The following GNAS variants were observed in gnomAD, a reference collection of about 807,000 sequenced individuals.
The protein encoded by GNAS is GNAS complex locus.
GNAS carries 8 observed loss-of-function variants against 54.5 expected under a neutral mutation model. The observed-to-expected ratio is 0.15, with a 90% CI of 0.09 to 0.26. The LOEUF (loss-of-function observed/expected upper bound fraction) is 0.26, where lower values mean the gene tolerates loss of function less well. GNAS is among the 10% of genes least tolerant of loss of function. The pLI, the probability that GNAS is intolerant of heterozygous loss-of-function variation, is 1.00. For missense variants in GNAS, 170 were observed against 529.8 expected, an observed-to-expected ratio of 0.32 and a Z score of 6.67; for synonymous variants, 204 against 191.4, an observed-to-expected ratio of 1.07 and a Z score of -0.54.
At position 58,856,430 on chromosome 20, in the gene GNAS, C is replaced by A. The variant is rs1457375370; in HGVS notation, c.43+15544C>A. On this transcript the variant is annotated intron_variant, in intron 1 of 12. Coordinates refer to the GNAS transcript ENST00000306090. The surrounding 1 kb of genome is among the most constrained non-coding windows in gnomAD (Gnocchi z 4.2). ...AGCGAAGAGCCCGAGGTAAGCCAAT[C>A]ATTTTTACAAAGAGTACAGTAGGAG... 1 of 152,598 alleles carries A rather than the reference C, an allele frequency of 6.6e-6. No individual in the cohort carries two copies. The highest frequency in any genetic ancestry group is 1.5e-5 in the Non-Finnish European group (1 of 68,030). 9.5% of individuals were successfully genotyped at this position (152,598 alleles called of 1,614,324 possible).
At position 58,909,839 on chromosome 20, in the gene GNAS, C is replaced by T; in HGVS notation, c.839+35C>T. 1 of 1,612,644 alleles carries T rather than the reference C, an allele frequency of 6.2e-7. No individual in the cohort carries two copies. Among genetic ancestry groups the T allele is most frequent in the Non-Finnish European group, 8.5e-7 (1 of 1,179,734 alleles). ...GTGACCGCCCACCCCCTGCGCTTGC[C>T]CAGGAGGCCCTGGTCTGCACTGTTT... On this transcript the variant is annotated intron_variant, in intron 10 of 12. Transcript: ENST00000371085. This position sits in a 1 kb window ranked among gnomAD's most constrained non-coding sequence, Gnocchi z 7.3.
chr20:58,853,254 C>T lies in GNAS; in HGVS notation c.43+12368C>T, dbSNP rs2086255292. ...GAGCCCCAAACTTATTTTGAGAGGCCGCCACCGTGTTATGGGCGTGCGCAA... is the reference window on the plus strand; with the variant it reads ...GAGCCCCAAACTTATTTTGAGAGGCTGCCACCGTGTTATGGGCGTGCGCAA... On this transcript the variant is annotated intron_variant, in intron 1 of 12. Transcript: ENST00000306090. The surrounding 1 kb of genome is among the most constrained non-coding windows in gnomAD (Gnocchi z 4.4). 6.5e-7 allele frequency: 1 copy of T among 1,528,768 alleles called. No homozygotes were observed. The highest frequency in any genetic ancestry group is 2.5e-5 in the East Asian group (1 of 40,410). 94.7% of individuals were successfully genotyped at this position (1,528,768 alleles called of 1,614,324 possible). A position where few individuals can be genotyped will look rare whatever the true frequency, so the allele number is the denominator to read the frequency against.
At chr20:58,850,375 T>TC (rs986938129) in intron 1 of GNAS, among the ~76,000 whole-genome samples, 2 of 152,126 alleles carry the variant, frequency 1.3e-5, no homozygotes, top group Admixed American at 6.5e-5. Flanking sequence ...AACAAAGGGG[T>TC]CCCACAGACC....
At chr20:58,844,658 G>T (rs749001495) in intron 1 of GNAS, among the ~76,000 whole-genome samples, 1 of 147,558 alleles carries the variant, frequency 6.8e-6, no homozygotes, top group East Asian at 2.0e-4. Context: ...GAAGCCTGGG[G>T]TTGTCCAATT....
At chr20:58,880,766 C>G (rs1242176638) in intron 1 of GNAS, among the ~76,000 whole-genome samples, 2 of 149,996 alleles carry the variant, frequency 1.3e-5, no homozygotes, top group African/African-American at 2.5e-5. Flanking sequence ...TTTTTTTTTC[C>G]TCTCAAAATC....
intron 1 of GNAS, chr20:58,892,131 C>G: frequency 2.1e-6 from 2 of 965,020 alleles, no homozygotes; most frequent in Non-Finnish European, 2.5e-6. Flanking sequence ...GTGTCTCTCT[C>G]TTGCTCTCGC....
upstream of GNAS, chr20:58,889,214 G>C (rs1339174596): frequency 4.3e-6 from 5 of 1,172,450 alleles, no homozygotes; most frequent in Admixed American, 3.1e-5. Flanking sequence ...GCTGCGTCAG[G>C]TGGCTGGCCG....
chr20:58,889,873 G>A (rs527578888), upstream of GNAS, among the ~76,000 whole-genome samples: 3 of 151,638 alleles, frequency 2.0e-5, no homozygotes, highest in South Asian at 2.1e-4. Flanking sequence ...CGAGGTGGCC[G>A]GGCCACCATG....
chr20:58,871,483 G>A (rs1461217448), intron 1 of GNAS, among the ~76,000 whole-genome samples: 7 of 151,640 alleles, frequency 4.6e-5, no homozygotes, highest in African/African-American at 1.2e-4. Context: ...GCATGGTGGC[G>A]CATGCCTGTA....
In GNAS at chr20:58,892,151, C is replaced by T. The variant is rs183744728; in HGVS notation, c.139+286C>T. The T allele has an allele frequency of 3.0e-3, 2,854 of 961,640 alleles. 72 individuals carry two copies. The African/African-American group carries it at 0.047, about 16-fold the overall frequency. The allele number at this position is 961,640 out of a possible 1,614,324, so 59.6% of individuals were successfully genotyped here. ...TCTCTCTTGCTCTCGCTCTCGCTCT[C>T]CCCCTCTTTCTCTCTTTCTCTCTTT... On this transcript the variant is annotated intron_variant, in intron 1 of 12. Transcript: ENST00000371085.
chr20:58,895,375 C>T lies in GNAS; in HGVS notation c.140-237C>T. 9.6e-6 allele frequency: 5 copies of T among 518,538 alleles called. No individual in the cohort carries two copies. The South Asian group carries it at 1.1e-4, about 11-fold the overall frequency. 32.1% of individuals were successfully genotyped at this position (518,538 alleles called of 1,614,324 possible). A position where few individuals can be genotyped will look rare whatever the true frequency, so the allele number is the denominator to read the frequency against. ...CAATCAAAAGAAAAATTAAAACCAG[C>T]AAACCTTAAATTCTTGTTTGTTATT... On this transcript the variant is annotated intron_variant, in intron 1 of 12. Transcript: ENST00000371085.
upstream of GNAS, chr20:58,840,160 C>A (rs1430025682): frequency 8.7e-6 from 14 of 1,611,748 alleles, no homozygotes; most frequent in Non-Finnish European, 1.1e-5. This position sits in a 1 kb window ranked among gnomAD's most constrained non-coding sequence, Gnocchi z 6.0. Flanking sequence ...ATAATTACAA[C>A]GACCTGTGCC....
intron 6 of GNAS, among the ~76,000 whole-genome samples, chr20:58,907,332 A>C (rs987964307): frequency 6.6e-6 from 1 of 152,188 alleles, no homozygotes; most frequent in African/African-American, 2.4e-5. Flanking sequence ...GCTGGTCCCT[A>C]TGGCCCCCAG....
upstream of GNAS, chr20:58,891,168 C>T (rs2089219598): frequency 6.7e-6 from 1 of 149,312 alleles, no homozygotes; most frequent in Non-Finnish European, 1.5e-5. Flanking sequence ...CGTCCCCGGC[C>T]GGGCGCGGGC....
chr20:58,870,777 C>A (rs1279922549), intron 1 of GNAS, among the ~76,000 whole-genome samples: 1 of 152,166 alleles, frequency 6.6e-6, no homozygotes, highest in Non-Finnish European at 1.5e-5. Context: ...TTAGAACTCT[C>A]CCTTCTGGGG....
chr20:58,886,147 C>A (rs2088574011), intron 1 of GNAS, among the ~76,000 whole-genome samples: 1 of 152,216 alleles, frequency 6.6e-6, no homozygotes. Context: ...GGCCAAGGAA[C>A]ACAAACTGCC....
Position 58,853,150 on chromosome 20 carries a change from A to C in GNAS, c.43+12264A>C. The C allele has an allele frequency of 7.0e-7, 1 of 1,433,276 alleles. No individual in the cohort carries two copies. The highest frequency in any genetic ancestry group is 2.5e-5 in the East Asian group (1 of 39,692). The allele number at this position is 1,433,276 out of a possible 1,614,324, so 88.8% of individuals were successfully genotyped here. On this transcript the variant is annotated intron_variant, in intron 1 of 12. Coordinates refer to the GNAS transcript ENST00000306090. This position sits in a 1 kb window ranked among gnomAD's most constrained non-coding sequence, Gnocchi z 4.4. The stretch of plus-strand genomic sequence containing the variant: ...AAGGGTTGGAAAGTGAGGCCGGTGA[A>C]CTTTCCAGCTGGTACTTTGATTTTA...
intron 1 of GNAS, among the ~76,000 whole-genome samples, chr20:58,866,257 C>A (rs779267480): frequency 6.6e-6 from 1 of 152,172 alleles, no homozygotes; most frequent in Non-Finnish European, 1.5e-5. Context: ...AGCAACTGAT[C>A]TTTCAAGACA....
chr20:58,903,848 A>G (rs957649096), intron 5 of GNAS, 57 bp downstream of exon 5: 3 of 1,596,354 alleles, frequency 1.9e-6, no homozygotes, highest in African/African-American at 1.3e-5. Flanking sequence ...CACAGTGTCC[A>G]TATAGGAACA....
Sources: allele counts gnomAD v4.1 joint callset (sites outside exome capture counted in the v4.1 genomes callset), GRCh38; gene constraint gnomAD v4.1.1; non-coding constraint Gnocchi (gnomAD v3.1); transcripts MANE v1.5; gene names NCBI Gene and HGNC (gene_info 2026-07-23, HGNC 2026-07-21).